The following LIN9 variants were observed in gnomAD, a reference collection of about 807,000 sequenced individuals.
LIN9 encodes lin-9 DREAM MuvB core complex component.
In LIN9, 18 loss-of-function variants were observed where a neutral mutation model predicts 78.0. The ratio of observed to expected loss-of-function variants is 0.23; its 90% confidence interval spans 0.16 to 0.34. LIN9 has a LOEUF of 0.34. LIN9 is among the 10% of genes least tolerant of loss of function. The probability of loss-of-function intolerance (pLI) is 1.00; values close to 1 mark genes in which losing one functional copy is unlikely to be tolerated. For missense variants in LIN9, 451 were observed against 644.1 expected, an observed-to-expected ratio of 0.70 and a Z score of 3.25; for synonymous variants, 192 against 215.2, an observed-to-expected ratio of 0.89 and a Z score of 0.94.
chr1:226,306,230 CAGG>C (rs1006422742), intron 1 of LIN9, among the ~76,000 whole-genome samples: 2 of 151,786 alleles, frequency 1.3e-5, no homozygotes, highest in African/African-American at 4.8e-5. Context: ...GAGGCCGAGG[CAGG>C]AGAATGGCTT....
At chr1:226,253,951 C>T (rs891843693) in intron 10 of LIN9, among the ~76,000 whole-genome samples, 3 of 151,968 alleles carry the variant, frequency 2.0e-5, no homozygotes, top group African/African-American at 4.8e-5. Context: ...ATAATAAGGC[C>T]GGGTGTGGTA....
intron 10 of LIN9, among the ~76,000 whole-genome samples, chr1:226,258,362 G>A (rs1341819859): frequency 2.0e-5 from 3 of 151,566 alleles, no homozygotes; most frequent in African/African-American, 7.3e-5. Context: ...TTAGCCAGAT[G>A]TGGTGGAGGA....
At chr1:226,284,197 C>G (rs1304554986) in intron 6 of LIN9, among the ~76,000 whole-genome samples, 1 of 152,058 alleles carries the variant, frequency 6.6e-6, no homozygotes, top group Non-Finnish European at 1.5e-5. Context: ...TCAACCATTG[C>G]AACTATTATA....
At position 226,277,879 on chromosome 1, in the gene LIN9, T is replaced by C; in HGVS notation, c.578A>G (p.Gln193Arg). 1 of 1,613,802 alleles carries C rather than the reference T, an allele frequency of 6.2e-7. No homozygotes were observed. Among genetic ancestry groups the C allele is most frequent in the Non-Finnish European group, 8.5e-7 (1 of 1,179,810 alleles). Residue 193 changes from glutamine (Q) to arginine (R), a missense_variant, in exon 7 of 15, where the codon CAG becomes CGG. Coordinates refer to ENST00000681046, the MANE Select transcript of LIN9 (RefSeq NM_001366245.2). ...CCTTTGTTGTAAGAGCCTTATTTTC[T>C]GCCGTTTCTGTTTTAATGCTGATCT... ...EERSALKQKR[Q>R]KIRLLQQRKV...
chr1:226,305,798 T>C (rs1001951562), intron 1 of LIN9, among the ~76,000 whole-genome samples: 4 of 152,148 alleles, frequency 2.6e-5, no homozygotes, highest in African/African-American at 9.7e-5. Flanking sequence ...AAGGGTCTTA[T>C]AGCTACTAAA....
intron 4 of LIN9, among the ~76,000 whole-genome samples, chr1:226,295,620 C>T (rs1293986124): frequency 1.3e-5 from 2 of 152,044 alleles, no homozygotes; most frequent in Non-Finnish European, 2.9e-5. Flanking sequence ...TATCTCCATG[C>T]TTAAAAGTGT....
chr1:226,276,941 T>C (rs1660702983), intron 7 of LIN9, among the ~76,000 whole-genome samples: 1 of 152,120 alleles, frequency 6.6e-6, no homozygotes, highest in African/African-American at 2.4e-5. Context: ...ATGGACTATT[T>C]CTAGACCCAA....
At chr1:226,255,634 T>A (rs958246540) in intron 10 of LIN9, among the ~76,000 whole-genome samples, 2 of 152,166 alleles carry the variant, frequency 1.3e-5, no homozygotes, top group Non-Finnish European at 2.9e-5. Context: ...GAAAGAACTA[T>A]GAGTAATAAG....
At chr1:226,276,109 C>T (rs897669087) in intron 7 of LIN9, among the ~76,000 whole-genome samples, 1 of 152,208 alleles carries the variant, frequency 6.6e-6, no homozygotes, top group Admixed American at 6.5e-5. Flanking sequence ...GCCTGTCTAA[C>T]CTATTCTCCA....
chr1:226,263,662 T>G (rs567896518), intron 10 of LIN9, among the ~76,000 whole-genome samples: 2 of 152,366 alleles, frequency 1.3e-5, no homozygotes, highest in South Asian at 2.1e-4. Flanking sequence ...ACAAGTGTCT[T>G]CTTTGTGAAA....
chr1:226,237,952 C>CAAA (rs33927134), intron 12 of LIN9, among the ~76,000 whole-genome samples: 2 of 133,550 alleles, frequency 1.5e-5, no homozygotes, highest in Non-Finnish European at 1.6e-5. Flanking sequence ...GACTCTGTCT[C>CAAA]AAAAAAAAAA....
At chr1:226,290,064 A>G (rs1294544290) in intron 4 of LIN9, among the ~76,000 whole-genome samples, 3 of 151,926 alleles carry the variant, frequency 2.0e-5, no homozygotes, top group South Asian at 2.1e-4. Context: ...TTAAAATCCC[A>G]TATGTTAAAA....
At chr1:226,297,903 T>C in intron 2 of LIN9, 90 bp from the exon 3 acceptor site, 1 of 514,820 alleles carries the variant, frequency 1.9e-6, no homozygotes, top group Non-Finnish European at 3.3e-6. Flanking sequence ...CAGCCATATA[T>C]CTAAAATATT....
intron 6 of LIN9, among the ~76,000 whole-genome samples, chr1:226,279,943 T>A (rs541139519): frequency 6.6e-6 from 1 of 152,286 alleles, no homozygotes; most frequent in East Asian, 1.9e-4. Context: ...GTGCCTGGAA[T>A]CTAGATCTCA....
rs1661696429 is a variant in LIN9 at position 226,290,483 on chromosome 1, G to GGCGCCCGCCACC, written c.265-2698_265-2687dup. 1.3e-5 allele frequency among the ~76,000 whole-genome samples: 2 copies of GGCGCCCGCCACC among 151,924 alleles called. 1 individual carries two copies. Among genetic ancestry groups the GGCGCCCGCCACC allele is most frequent in the Admixed American group, 1.3e-4 (2 of 15,252 alleles). On this transcript the variant is annotated intron_variant, in intron 4 of 14. Transcript: ENST00000681046. ...AGCCTCCCGAGTAGCTGGGACTACAGGCGCCCGCCACCACGCCCGGCTAAT... is the reference window on the plus strand; with the variant it reads ...AGCCTCCCGAGTAGCTGGGACTACAGGCGCCCGCCACCGCGCCCGCCACCACGCCCGGCTAAT...
chr1:226,309,762 C>T, upstream of LIN9: 4 of 1,287,438 alleles, frequency 3.1e-6, no homozygotes, highest in Non-Finnish European at 4.1e-6. Flanking sequence ...CACGCCTTTC[C>T]CGAATGTTGG....
chr1:226,274,189 T>C (rs557129768), intron 7 of LIN9, among the ~76,000 whole-genome samples: 2 of 152,348 alleles, frequency 1.3e-5, no homozygotes, highest in South Asian at 2.1e-4. Flanking sequence ...ATTTAAGAAC[T>C]TGGCAACACA....
chr1:226,272,602 G>A (rs1660366113), intron 7 of LIN9, among the ~76,000 whole-genome samples: 1 of 148,110 alleles, frequency 6.8e-6, no homozygotes, highest in African/African-American at 2.5e-5. Context: ...GGAAAAAGCT[G>A]AGTGTTAGGA....
At chr1:226,245,702 A>C (rs956088249) in intron 11 of LIN9, among the ~76,000 whole-genome samples, 2 of 151,228 alleles carry the variant, frequency 1.3e-5, no homozygotes, top group African/African-American at 2.4e-5. Context: ...GGTTCAAGTG[A>C]TTCTCCTGCC....
Sources: gnomAD v4.1 joint callset for allele counts (sites outside exome capture counted in the v4.1 genomes callset) on GRCh38, gnomAD v4.1.1 for gene constraint, MANE v1.5 for transcripts, NCBI Gene and HGNC (gene_info 2026-07-23, HGNC 2026-07-21) for gene names.